Variants in PRKCA observed in about 807,000 individuals in gnomAD.
PRKCA encodes protein kinase C alpha type.
PRKCA carries 27 observed loss-of-function variants against 87.0 expected under a neutral mutation model. That is an observed-to-expected ratio of 0.31 (90% CI 0.23 to 0.43). PRKCA has a LOEUF of 0.43. PRKCA is among the 20% of genes least tolerant of loss of function. The pLI is 1.00. For synonymous variants in PRKCA, 329 were observed against 311.1 expected, an observed-to-expected ratio of 1.06 and a Z score of -0.61; for missense variants, 518 against 852.3, an observed-to-expected ratio of 0.61 and a Z score of 4.88.
chr17:66,776,552 C>T (rs1307939386), intron 14 of PRKCA, among the ~76,000 whole-genome samples: 1 of 152,098 alleles, frequency 6.6e-6, no homozygotes, highest in Non-Finnish European at 1.5e-5. Flanking sequence ...TCGTGATCCA[C>T]CCGCCTCAGC....
chr17:66,791,105 G>A (rs1257473458), intron 16 of PRKCA, among the ~76,000 whole-genome samples: 2 of 151,072 alleles, frequency 1.3e-5, no homozygotes, highest in Non-Finnish European at 2.9e-5. Context: ...CCATTAACTC[G>A]TCATTTAGCA....
At chr17:66,451,808 A>C (rs1046469982) in intron 2 of PRKCA, among the ~76,000 whole-genome samples, 1 of 152,176 alleles carries the variant, frequency 6.6e-6, no homozygotes, top group African/African-American at 2.4e-5. Context: ...GCTCTGAAGC[A>C]AAGTTGTATG....
At chr17:66,549,182 G>A (rs1968252665) in intron 3 of PRKCA, among the ~76,000 whole-genome samples, 1 of 148,972 alleles carries the variant, frequency 6.7e-6, no homozygotes, top group Admixed American at 6.7e-5. Context: ...GGAAGTCCAT[G>A]CAGGTGCCAT....
At chr17:66,395,031 A>G (rs1910582374) in intron 2 of PRKCA, among the ~76,000 whole-genome samples, 1 of 152,202 alleles carries the variant, frequency 6.6e-6, no homozygotes, top group Non-Finnish European at 1.5e-5. Context: ...ATGGGTTTAA[A>G]CTTTTTTTTA....
intron 2 of PRKCA, among the ~76,000 whole-genome samples, chr17:66,408,835 CA>C (rs1187696474): frequency 6.6e-6 from 1 of 151,758 alleles, no homozygotes; most frequent in Admixed American, 6.6e-5. Context: ...GGGCGGATCA[CA>C]AGGCTAGGAG....
chr17:66,794,310 A>G (rs1975611742), intron 16 of PRKCA, among the ~76,000 whole-genome samples: 1 of 152,216 alleles, frequency 6.6e-6, no homozygotes, highest in Non-Finnish European at 1.5e-5. Flanking sequence ...CAAAGAGAAT[A>G]AGAACATTGA....
chr17:66,693,988 T>C (rs528733110), intron 8 of PRKCA, among the ~76,000 whole-genome samples: 95 of 152,256 alleles, frequency 6.2e-4, no homozygotes, highest in African/African-American at 2.2e-3. Context: ...TGCTTAACTA[T>C]AAATGGAAAA....
intron 8 of PRKCA, among the ~76,000 whole-genome samples, chr17:66,717,930 T>C (rs1973518626): frequency 1.3e-5 from 2 of 152,178 alleles, no homozygotes; most frequent in South Asian, 4.1e-4. Flanking sequence ...GTAGCAGGTG[T>C]TGACCCAGTT....
chr17:66,545,251 AC>A (rs1968111550), intron 3 of PRKCA, among the ~76,000 whole-genome samples: 1 of 151,634 alleles, frequency 6.6e-6, no homozygotes. Flanking sequence ...ACACGGTGAA[AC>A]CCCGCCTCTA....
At chr17:66,332,726 C>G (rs1021971761) in intron 2 of PRKCA, among the ~76,000 whole-genome samples, 14 of 147,814 alleles carry the variant, frequency 9.5e-5, no homozygotes, top group Non-Finnish European at 1.8e-4. Context: ...GAGTCTCGCT[C>G]TGTCACCCAG....
intron 2 of PRKCA, among the ~76,000 whole-genome samples, chr17:66,491,628 C>A (rs1424359603): frequency 7.2e-5 from 11 of 152,140 alleles, no homozygotes; most frequent in Non-Finnish European, 1.5e-4. Flanking sequence ...TAAAAAAAGA[C>A]AAAAAACAAT....
At chr17:66,596,258 G>T (rs1294670055) in intron 3 of PRKCA, among the ~76,000 whole-genome samples, 1 of 152,134 alleles carries the variant, frequency 6.6e-6, no homozygotes. Context: ...GCTGTTTATT[G>T]TGGTTCCTTG....
At chr17:66,802,136 G>A (rs147254944) in intron 16 of PRKCA, among the ~76,000 whole-genome samples, 4 of 152,074 alleles carry the variant, frequency 2.6e-5, no homozygotes, top group East Asian at 1.9e-4. Flanking sequence ...TGGGAGGAAC[G>A]GTTGAGCTCA....
At chr17:66,392,362 G>T (rs1447686376) in intron 2 of PRKCA, among the ~76,000 whole-genome samples, 1 of 152,148 alleles carries the variant, frequency 6.6e-6, no homozygotes. Context: ...CGTATGCTGT[G>T]CCATTTGCAT....
At chr17:66,462,306 G>A (rs755989836) in intron 2 of PRKCA, among the ~76,000 whole-genome samples, 5 of 152,150 alleles carry the variant, frequency 3.3e-5, no homozygotes, top group Non-Finnish European at 5.9e-5. Context: ...AGGCTGGAAA[G>A]CAACATAGGA....
intron 14 of PRKCA, chr17:66,778,091 A>G: frequency 1.0e-6 from 1 of 985,426 alleles, no homozygotes; most frequent in Middle Eastern, 5.2e-4. Flanking sequence ...CGCCCCCTGG[A>G]GAGCACCAGG....
chr17:66,340,911 G>A (rs1907005155), intron 2 of PRKCA, among the ~76,000 whole-genome samples: 1 of 152,104 alleles, frequency 6.6e-6, no homozygotes, highest in African/African-American at 2.4e-5. Flanking sequence ...GTCAAAAGCT[G>A]CGAGTGCCAG....
At chr17:66,308,249 A>AT (rs1433873913) in intron 2 of PRKCA, among the ~76,000 whole-genome samples, 5 of 152,232 alleles carry the variant, frequency 3.3e-5, no homozygotes, top group Admixed American at 2.0e-4. Flanking sequence ...TCCAGTGCAC[A>AT]TTTTTTTGTA....
chr17:66,401,480 A>G (rs985631341), intron 2 of PRKCA, among the ~76,000 whole-genome samples: 2 of 152,194 alleles, frequency 1.3e-5, no homozygotes, highest in Admixed American at 6.6e-5. Flanking sequence ...GGCTGGATGT[A>G]TGTCAGAGAA....
Sources: allele counts gnomAD v4.1 joint callset (sites outside exome capture counted in the v4.1 genomes callset), GRCh38; gene constraint gnomAD v4.1.1; transcripts MANE v1.5; gene names NCBI Gene and HGNC (gene_info 2026-07-23, HGNC 2026-07-21).